C6: variants seen among roughly 807,000 people sequenced by gnomAD.
C6 encodes complement C6.
Under a neutral mutation model 112.9 loss-of-function variants are expected in C6, and 101 were observed. The ratio of observed to expected loss-of-function variants is 0.89; its 90% confidence interval spans 0.76 to 1.06. C6 has a LOEUF of 1.06. Among genes scored for constraint, C6 ranks in the 50% least tolerant of loss-of-function variants. The pLI is 0.00. For missense variants in C6, 1,202 were observed against 1,104.6 expected (o/e 1.09, Z -1.25); for synonymous variants, 431 against 384.1 (o/e 1.12, Z -1.43).
At chr5:41,147,928 G>A (rs1408709647) in intron 17 of C6, among the ~76,000 whole-genome samples, 1 of 152,138 alleles carries the variant, frequency 6.6e-6, no homozygotes, top group Admixed American at 6.6e-5. Flanking sequence ...GTATTAAATT[G>A]GCAGAGATAC....
chr5:41,172,868 G>T (rs549153598), intron 8 of C6, among the ~76,000 whole-genome samples: 43 of 152,154 alleles, frequency 2.8e-4, no homozygotes, highest in African/African-American at 1.0e-3. Flanking sequence ...AAATCTTCTT[G>T]GCCATGCTTC....
chr5:41,229,093 C>A (rs574803457), intron 1 of C6, among the ~76,000 whole-genome samples: 1 of 151,956 alleles, frequency 6.6e-6, no homozygotes, highest in Non-Finnish European at 1.5e-5. Context: ...CCAGCTTGGG[C>A]GACAGAGCAC....
chr5:41,181,339 T>A lies in C6; in HGVS notation c.927+20A>T. 1 of 1,608,052 alleles carries A rather than the reference T, an allele frequency of 6.2e-7. No individual in the cohort carries two copies. The highest frequency in any genetic ancestry group is 8.5e-7 in the Non-Finnish European group (1 of 1,174,736). ...TTAATTTTCAAGAAAGAATAAAAGG[T>A]TGGAAACCATTTTTGATACCTTTTT... On this transcript the variant is annotated intron_variant, in intron 7 of 17. Coordinates refer to ENST00000337836, the MANE Select transcript of C6 (RefSeq NM_000065.5).
intron 13 of C6, 46 bp from the exon 14 acceptor site, chr5:41,155,150 C>T (rs758339761): frequency 5.8e-6 from 9 of 1,540,982 alleles, no homozygotes; most frequent in Middle Eastern, 1.7e-4. Context: ...ATGAATAACA[C>T]TCTCTAAACT....
chr5:41,142,468 G>T lies in C6; in HGVS notation c.*357C>A. The T allele has an allele frequency of 3.9e-6, 1 of 256,056 alleles. No homozygotes were observed. 15.9% of individuals were successfully genotyped at this position (256,056 alleles called of 1,614,324 possible). On this transcript the variant is annotated 3_prime_UTR_variant, in exon 18 of 18. Coordinates refer to ENST00000337836, the MANE Select transcript of C6 (RefSeq NM_000065.5). ...GGAGATTTCTGTTTATTAACTCATT[G>T]AAGAAAATTATGGGTTTTATTCTTA...
chr5:41,260,411 G>A (rs1472075772), intron 1 of C6, among the ~76,000 whole-genome samples: 2 of 150,954 alleles, frequency 1.3e-5, no homozygotes, highest in Non-Finnish European at 2.9e-5. Context: ...CTTCTCTTCA[G>A]TAAATCCAGA....
intron 11 of C6, chr5:41,159,595 T>C: frequency 3.3e-6 from 1 of 302,432 alleles, no homozygotes; most frequent in Non-Finnish European, 4.9e-6. Flanking sequence ...CTTAACAGAA[T>C]GCATATTAAA....
rs1050119432 is a variant in C6, at chr5:41,228,219, G to T, written c.-20-24969C>A. ...ACTTCATTCCTTTATTTTTGTGGTA[G>T]CTTTTGTAAATGGGATTATTTTCTT... On this transcript the variant is annotated intron_variant, in intron 1 of 17. Coordinates refer to the C6 transcript ENST00000263413. Among the ~76,000 whole-genome samples, 3 of 151,650 alleles carry T rather than the reference G, an allele frequency of 2.0e-5. No individual in the cohort carries two copies. The South Asian group carries it at 6.2e-4, about 32-fold the overall frequency.
chr5:41,149,834 A>G (rs561006491), intron 16 of C6, 101 bp downstream of exon 16: 5 of 823,084 alleles, frequency 6.1e-6, no homozygotes, highest in Non-Finnish European at 1.1e-5. Flanking sequence ...AAATTCATTT[A>G]TTTCATGTCT....
Position 41,254,874 on chromosome 5 carries a change from G to T in C6, c.-21+6320C>A, listed in dbSNP as rs16871073. ...TGCTACTATGGATCTCAGTGAAAGCGTTTTAGTCTCCTAGATAATTTTGCA... is the reference window on the plus strand; with the variant it reads ...TGCTACTATGGATCTCAGTGAAAGCTTTTTAGTCTCCTAGATAATTTTGCA... On this transcript the variant is annotated intron_variant, in intron 1 of 17. Coordinates refer to the C6 transcript ENST00000263413. Among the ~76,000 whole-genome samples, 208 of 152,210 alleles carry T rather than the reference G, an allele frequency of 1.4e-3. 1 individual carries two copies. Among genetic ancestry groups the T allele is most frequent in the Non-Finnish European group, 2.0e-3 (139 of 68,000 alleles).
intron 9 of C6, among the ~76,000 whole-genome samples, chr5:41,165,064 A>C (rs1460538055): frequency 1.3e-5 from 2 of 152,142 alleles, no homozygotes; most frequent in African/African-American, 4.8e-5. Context: ...GCATATTTTT[A>C]ACTTTATATG....
rs1423935162 is a variant in C6, at chr5:41,149,446, G to T, written c.2418C>A (p.Asp806Glu). Residue 806 changes from aspartate to glutamate, a missense_variant, in exon 17 of 18, where the codon GAC becomes GAA. By Grantham distance (45) the Asp-to-Glu change is conservative. Coordinates refer to ENST00000337836, the MANE Select transcript of C6 (RefSeq NM_000065.5). ...CGGGTGAAGTAAAGTAATCGTTGGA[G>T]TCTGTGTCAAACACACAGAGATCTT... ...HSEDLCVFDT[D>E]SNDYFTSPAC... is the part of the protein sequence containing the mutation. 2 of 1,613,844 alleles carry T rather than the reference G, an allele frequency of 1.2e-6. No individual in the cohort carries two copies. Among genetic ancestry groups the T allele is most frequent in the Non-Finnish European group, 1.7e-6 (2 of 1,179,856 alleles).
chr5:41,218,256 A>G (rs910913255), upstream of C6, among the ~76,000 whole-genome samples: 1 of 152,176 alleles, frequency 6.6e-6, no homozygotes, highest in African/African-American at 2.4e-5. Context: ...TTGTTTATGC[A>G]GTCACGTATT....
intron 9 of C6, among the ~76,000 whole-genome samples, chr5:41,166,904 A>G (rs1053846496): frequency 2.6e-5 from 4 of 152,132 alleles, no homozygotes; most frequent in Admixed American, 6.5e-5. Flanking sequence ...CAATGCAGAA[A>G]AGCACAATAA....
chr5:41,201,792 G>T, intron 2 of C6, 78 bp from the exon 3 acceptor site: 2 of 1,276,564 alleles, frequency 1.6e-6, no homozygotes, highest in Non-Finnish European at 1.1e-6. Context: ...GTATCATTGA[G>T]CATTAACTAC....
chr5:41,168,192 T>C (rs973367926), intron 9 of C6, among the ~76,000 whole-genome samples: 1 of 152,150 alleles, frequency 6.6e-6, no homozygotes, highest in Non-Finnish European at 1.5e-5. Context: ...GATCAGATCC[T>C]GAAGCACTTT....
chr5:41,173,925 G>C (rs1011023838), intron 8 of C6, among the ~76,000 whole-genome samples: 1 of 152,120 alleles, frequency 6.6e-6, no homozygotes, highest in Non-Finnish European at 1.5e-5. Flanking sequence ...TTTTCTTCTA[G>C]TAGGATTGTT....
At chr5:41,180,288 A>G (rs1455811153) in intron 7 of C6, among the ~76,000 whole-genome samples, 1 of 152,186 alleles carries the variant, frequency 6.6e-6, no homozygotes, top group East Asian at 1.9e-4. Context: ...CTCTAGTTCC[A>G]TGATTCAGGG....
chr5:41,210,161 C>T lies in C6; in HGVS notation c.-21+3215G>A, dbSNP rs533889181. Among the ~76,000 whole-genome samples, 357 of 152,250 alleles carry T rather than the reference C, an allele frequency of 2.3e-3. 1 individual carries two copies. Among genetic ancestry groups the T allele is most frequent in the African/African-American group, 8.4e-3 (348 of 41,554 alleles). The stretch of plus-strand genomic sequence containing the variant: ...AATGGTGTTGGGAAAACTGGCTAGC[C>T]ATATGTAGAAAGCTGAAACTGGATC... On this transcript the variant is annotated intron_variant, in intron 1 of 17. Coordinates refer to ENST00000337836, the MANE Select transcript of C6 (RefSeq NM_000065.5).
Sources: gnomAD v4.1 joint callset for allele counts (sites outside exome capture counted in the v4.1 genomes callset) on GRCh38, gnomAD v4.1.1 for gene constraint, MANE v1.5 for transcripts, NCBI Gene and HGNC (gene_info 2026-07-23, HGNC 2026-07-21) for gene names.